The following DLEC1 variants were observed in gnomAD, a reference collection of about 807,000 sequenced individuals.
DLEC1 encodes the protein deleted in lung and esophageal cancer protein 1.
Under a neutral mutation model 198.1 loss-of-function variants are expected in DLEC1, and 146 were observed. The observed-to-expected ratio is 0.74, with a 90% CI of 0.64 to 0.85. DLEC1 has a LOEUF of 0.85. Ranked by LOEUF, DLEC1 falls within the 40% of genes least tolerant of loss-of-function variation. DLEC1 has a pLI of 0.00. For synonymous variants in DLEC1, 897 were observed against 866.8 expected, an observed-to-expected ratio of 1.03 and a Z score of -0.61; for missense variants, 2,233 against 2,220.0, an observed-to-expected ratio of 1.01 and a Z score of -0.12.
intron 7 of DLEC1, among the ~76,000 whole-genome samples, chr3:38,084,800 C>T (rs1343208317): frequency 3.3e-5 from 5 of 151,898 alleles, no homozygotes; most frequent in Non-Finnish European, 7.4e-5. Flanking sequence ...CTGACCGCCT[C>T]CACCCAGGCA....
chr3:38,109,820 G>A (rs1386770365), intron 22 of DLEC1: 2 of 713,310 alleles, frequency 2.8e-6, no homozygotes, highest in East Asian at 5.5e-5. Flanking sequence ...AGGGGACAGG[G>A]CTGTAGGTAC....
intron 6 of DLEC1, among the ~76,000 whole-genome samples, chr3:38,068,859 C>A (rs1440943526): frequency 1.3e-5 from 2 of 152,158 alleles, no homozygotes; most frequent in African/African-American, 4.8e-5. Flanking sequence ...TCATGCTCAG[C>A]TGTGAATAGC....
Position 38,039,591 on chromosome 3 carries a change from C to A in DLEC1, c.366C>A (p.Gly122=). 1.2e-6 allele frequency: 2 copies of A among 1,611,522 alleles called. No homozygotes were observed. The highest frequency in any genetic ancestry group is 1.7e-6 in the Non-Finnish European group (2 of 1,178,412). Residue 122 remains glycine (G), a synonymous_variant, in exon 1 of 37, where the codon GGC becomes GGA. Coordinates refer to ENST00000308059, the MANE Select transcript of DLEC1 (RefSeq NM_007335.4). The stretch of plus-strand genomic sequence containing the variant: ...GCGCAAGCTTGATCAAGGCCCGCGG[C>A]AGCGAGAATGAGCGCCACGAGGAGT... The part of the protein sequence containing the change: ...EVSASLIKAR[G]SENERHEEFV...
At chr3:38,081,516 C>T (rs1193539560) in intron 6 of DLEC1, among the ~76,000 whole-genome samples, 4 of 96,694 alleles carry the variant, frequency 4.1e-5, no homozygotes, top group Non-Finnish European at 6.1e-5. Context: ...CCAGTAGGGG[C>T]GGCCGGGCAG....
intron 19 of DLEC1, chr3:38,103,894 A>G (rs919029308): frequency 3.3e-5 from 5 of 152,226 alleles, no homozygotes; most frequent in African/African-American, 1.2e-4. Context: ...ATTGCTGTTT[A>G]TGGCACCCCA....
chr3:38,050,581 A>G (rs1297264450), intron 2 of DLEC1, among the ~76,000 whole-genome samples: 1 of 152,046 alleles, frequency 6.6e-6, no homozygotes, highest in Admixed American at 6.6e-5. Context: ...TAATATAGTG[A>G]GGACTCACTC....
At chr3:38,064,395 T>C (rs1383369379) in intron 6 of DLEC1, among the ~76,000 whole-genome samples, 1 of 152,246 alleles carries the variant, frequency 6.6e-6, no homozygotes, top group Non-Finnish European at 1.5e-5. Flanking sequence ...AAATGGAGTC[T>C]CCTATGTCTA....
chr3:38,042,552 CTTT>C (rs71635860), intron 1 of DLEC1, among the ~76,000 whole-genome samples: 56 of 104,752 alleles, frequency 5.3e-4, no homozygotes, highest in African/African-American at 1.8e-3. Context: ...ATGTTGCTGG[CTTT>C]TTTTTTTTTT....
intron 6 of DLEC1, 28 bp downstream of exon 6, chr3:38,063,947 C>G (rs535903325): frequency 1.4e-6 from 2 of 1,450,380 alleles, no homozygotes; most frequent in Non-Finnish European, 1.9e-6. Flanking sequence ...TTACAGCTCC[C>G]ACCCCATCTG....
At chr3:38,104,313 C>A (rs572766428) in intron 19 of DLEC1, among the ~76,000 whole-genome samples, 1 of 151,930 alleles carries the variant, frequency 6.6e-6, no homozygotes, top group Non-Finnish European at 1.5e-5. Flanking sequence ...AAAAATTAGC[C>A]GGGTGTGGTG....
At chr3:38,114,578 C>A in intron 26 of DLEC1, 118 bp downstream of exon 26, 2 of 1,020,914 alleles carry the variant, frequency 2.0e-6, no homozygotes, top group Non-Finnish European at 3.0e-6. Context: ...CCATTGGTGC[C>A]ACCTACAAGA....
At position 38,094,873 on chromosome 3, in the gene DLEC1, C is replaced by G; in HGVS notation, c.1920-6C>G. ...GGACATGGCCTTGGATGCGTTGCCC[C>G]CACAGGCACGTGGAGCTGGCCTTCT... On this transcript the variant is annotated splice_region_variant and splice_polypyrimidine_tract_variant and intron_variant, in intron 12 of 36. Transcript: ENST00000308059. The G allele has an allele frequency of 6.2e-7, 1 of 1,613,292 alleles. No individual in the cohort carries two copies.
intron 33 of DLEC1, among the ~76,000 whole-genome samples, chr3:38,119,068 A>AC (rs563731380): frequency 1.1e-3 from 175 of 152,250 alleles, no homozygotes; most frequent in Non-Finnish European, 1.9e-3. Context: ...GTTCCATTCC[A>AC]CCAGAGCTTC....
At chr3:38,084,503 G>A (rs796510201) in intron 7 of DLEC1, among the ~76,000 whole-genome samples, 2 of 8,066 alleles carry the variant, frequency 2.5e-4, no homozygotes, top group Non-Finnish European at 6.5e-4. Flanking sequence ...TAGTAGTAGT[G>A]GTAGTAGTAG....
At chr3:38,117,744 G>A in intron 32 of DLEC1, 62 bp from the exon 33 acceptor site, 2 of 1,539,736 alleles carry the variant, frequency 1.3e-6, no homozygotes, top group Non-Finnish European at 1.8e-6. Context: ...CTACCCTAGA[G>A]CCATGGGGTT....
intron 3 of DLEC1, among the ~76,000 whole-genome samples, chr3:38,061,345 A>C (rs1696674470): frequency 1.3e-5 from 2 of 151,676 alleles, no homozygotes; most frequent in Admixed American, 1.3e-4. Flanking sequence ...TGCCTGGATA[A>C]TTTTTTTGTA....
In DLEC1 at chr3:38,097,260, G is replaced by C; in HGVS notation, c.2419G>C (p.Gly807Arg). The part of the protein sequence containing the change: ...SDCHIIEVEP[G>R]TGVIEPSEVG... ...CTGCCACATCATTGAAGTGGAGCCC[G>C]GCACAGGGGTCATAGGTACCTTGGG... is the stretch of plus-strand genomic sequence containing the variant. The change falls in exon 16 of 37, where the codon GGC (glycine) becomes CGC (arginine). Residue 807 changes from glycine (G) to arginine (R), a missense_variant. By Grantham distance (125) the Gly-to-Arg change is moderately radical. Transcript: ENST00000308059. 1 of 1,582,204 alleles carries C rather than the reference G, an allele frequency of 6.3e-7. No homozygotes were observed. Among genetic ancestry groups the C allele is most frequent in the Non-Finnish European group, 8.6e-7 (1 of 1,162,846 alleles).
chr3:38,109,286 G>T, intron 21 of DLEC1, 146 bp from the exon 22 acceptor site: 2 of 1,193,168 alleles, frequency 1.7e-6, no homozygotes, highest in Non-Finnish European at 2.3e-6. Flanking sequence ...AGGGCGGGTC[G>T]ACTGGCTGGG....
In DLEC1 at chr3:38,084,021, C is replaced by G. The variant is rs1001002115; in HGVS notation, c.1174-137C>G. 6 of 713,864 alleles carry G rather than the reference C, an allele frequency of 8.4e-6. No homozygotes were observed. In the African/African-American group the frequency reaches 1.1e-4, roughly 13 times the overall value. 44.2% of individuals were successfully genotyped at this position (713,864 alleles called of 1,614,324 possible). ...TCCCCATGTACCCCTCAGCCAGCTT[C>G]GACAGTTACCAACATGTGGCCAAGC... On this transcript the variant is annotated intron_variant, in intron 6 of 36. Transcript: ENST00000308059.
Sources: allele counts gnomAD v4.1 joint callset (sites outside exome capture counted in the v4.1 genomes callset), GRCh38; gene constraint gnomAD v4.1.1; transcripts MANE v1.5; gene names NCBI Gene and HGNC (gene_info 2026-07-23, HGNC 2026-07-21).